The following SARNP variants were observed in gnomAD, a reference collection of about 807,000 sequenced individuals.
The protein encoded by SARNP is SAP domain containing ribonucleoprotein, also known as SAP domain-containing ribonucleoprotein.
SARNP carries 5 observed loss-of-function variants against 38.1 expected under a neutral mutation model. The ratio of observed to expected loss-of-function variants is 0.13; its 90% confidence interval spans 0.07 to 0.28. The LOEUF is 0.28. Among genes scored for constraint, SARNP ranks in the 10% least tolerant of loss-of-function variants. The probability of loss-of-function intolerance (pLI) is 1.00; values close to 1 mark genes in which losing one functional copy is unlikely to be tolerated. For missense variants in SARNP, 180 were observed against 243.9 expected (o/e 0.74, Z 1.75); for synonymous variants, 84 against 80.6 (o/e 1.04, Z -0.23).
chr12:55,764,602 C>T (rs1289935155), intron 9 of SARNP, among the ~76,000 whole-genome samples: 5 of 150,846 alleles, frequency 3.3e-5, no homozygotes, highest in Middle Eastern at 3.5e-3. Context: ...TTTGGGAGGC[C>T]GAGGCAGGCA....
intron 9 of SARNP, among the ~76,000 whole-genome samples, chr12:55,779,512 A>G (rs1019144825): frequency 2.0e-5 from 3 of 152,150 alleles, no homozygotes; most frequent in African/African-American, 7.2e-5. Flanking sequence ...TTCTTCTACC[A>G]CTACTTCCTT....
chr12:55,796,662 C>T (rs1017972473), intron 4 of SARNP, among the ~76,000 whole-genome samples: 1 of 152,170 alleles, frequency 6.6e-6, no homozygotes, highest in African/African-American at 2.4e-5. Flanking sequence ...CTCGGCCTCC[C>T]AAAGTACTGG....
chr12:55,769,618 T>C (rs1878947274), intron 9 of SARNP, among the ~76,000 whole-genome samples: 1 of 152,248 alleles, frequency 6.6e-6, no homozygotes. Context: ...GGCCTACCTT[T>C]AGCAAGTGAT....
At chr12:55,801,713 G>A (rs1879984742) in intron 2 of SARNP, among the ~76,000 whole-genome samples, 1 of 152,066 alleles carries the variant, frequency 6.6e-6, no homozygotes, top group Non-Finnish European at 1.5e-5. Flanking sequence ...CCCCTCCTGG[G>A]CTCAAGGGAT....
chr12:55,800,259 G>C (rs1879939107), intron 4 of SARNP, among the ~76,000 whole-genome samples: 1 of 151,934 alleles, frequency 6.6e-6, no homozygotes, highest in Non-Finnish European at 1.5e-5. Context: ...ATTCTCTATA[G>C]AGTAACAGAA....
Position 55,783,749 on chromosome 12 carries a change from G to A in SARNP, c.501+5326C>T, listed in dbSNP as rs538593453. On this transcript the variant is annotated intron_variant, in intron 9 of 10. Coordinates refer to ENST00000336133, the MANE Select transcript of SARNP (RefSeq NM_033082.4). ...CAGGTTCTTAAATCTGTAATATGCT[G>A]AAGCCATAAATCTAAAATATGAAGA... Among the ~76,000 whole-genome samples the A allele has an allele frequency of 2.0e-5, 3 of 152,072 alleles. No homozygotes were observed. In the East Asian group the frequency reaches 5.8e-4, roughly 29 times the overall value.
intron 1 of SARNP, among the ~76,000 whole-genome samples, chr12:55,816,394 C>T (rs759487962): frequency 6.6e-6 from 1 of 152,066 alleles, no homozygotes; most frequent in Non-Finnish European, 1.5e-5. Context: ...GATCAAGAGA[C>T]CGCTGATATA....
chr12:55,816,050 C>T (rs1880472963), intron 1 of SARNP: 1 of 152,178 alleles, frequency 6.6e-6, no homozygotes, highest in Non-Finnish European at 1.5e-5. Flanking sequence ...GGTCAGAGGA[C>T]TTTACGTAAA....
chr12:55,771,172 G>C (rs1878998522), intron 9 of SARNP, among the ~76,000 whole-genome samples: 1 of 152,034 alleles, frequency 6.6e-6, no homozygotes, highest in African/African-American at 2.4e-5. Context: ...TAGCCAGGCT[G>C]GTCTCGAACT....
intron 9 of SARNP, among the ~76,000 whole-genome samples, chr12:55,788,517 C>T (rs980943140): frequency 1.3e-5 from 2 of 152,170 alleles, no homozygotes; most frequent in African/African-American, 4.8e-5. Flanking sequence ...CATACTCAGG[C>T]TGGGTGCAGT....
intron 4 of SARNP, among the ~76,000 whole-genome samples, chr12:55,799,281 G>A (rs1328856611): frequency 6.6e-6 from 1 of 152,062 alleles, no homozygotes; most frequent in African/African-American, 2.4e-5. Context: ...ACAACTATGA[G>A]GAACAAAAAT....
chr12:55,785,662 C>T (rs1879469537), intron 9 of SARNP, among the ~76,000 whole-genome samples: 1 of 151,756 alleles, frequency 6.6e-6, no homozygotes. Flanking sequence ...ATATTCTTAG[C>T]TACTCAGGAG....
chr12:55,787,097 T>C (rs868693082), intron 9 of SARNP, among the ~76,000 whole-genome samples: 26 of 151,748 alleles, frequency 1.7e-4, no homozygotes, highest in Admixed American at 4.6e-4. Context: ...CCAGGCATGG[T>C]GGCACACATC....
chr12:55,773,288 T>A (rs1317954777), intron 9 of SARNP, among the ~76,000 whole-genome samples: 1 of 152,196 alleles, frequency 6.6e-6, no homozygotes, highest in African/African-American at 2.4e-5. Flanking sequence ...CAAGTAGCTT[T>A]GAAAAAATAT....
chr12:55,794,773 C>G, intron 6 of SARNP, 34 bp downstream of exon 6: 1 of 1,270,118 alleles, frequency 7.9e-7, no homozygotes, highest in Non-Finnish European at 1.1e-6. Flanking sequence ...TTACAACACC[C>G]CTATCAGAGG....
chr12:55,788,982 G>A, intron 9 of SARNP, 93 bp downstream of exon 9: 1 of 797,834 alleles, frequency 1.3e-6, no homozygotes, highest in Non-Finnish European at 2.1e-6. Context: ...TTTGTAGCCA[G>A]CTACATTCTC....
At chr12:55,774,637 A>C (rs1879119015) in intron 9 of SARNP, among the ~76,000 whole-genome samples, 1 of 150,328 alleles carries the variant, frequency 6.7e-6, no homozygotes, top group South Asian at 2.1e-4. Flanking sequence ...AATCCCAGCT[A>C]CTCGGGAGGT....
At chr12:55,807,057 G>A (rs1409418937) in intron 1 of SARNP, among the ~76,000 whole-genome samples, 1 of 152,016 alleles carries the variant, frequency 6.6e-6, no homozygotes, top group Non-Finnish European at 1.5e-5. Context: ...CCTCCAGCTG[G>A]GACTACAGGT....
intron 7 of SARNP, among the ~76,000 whole-genome samples, chr12:55,791,049 G>T (rs1879652858): frequency 6.6e-6 from 1 of 152,154 alleles, no homozygotes; most frequent in Admixed American, 6.5e-5. Flanking sequence ...CAACATTAAT[G>T]AACCTTGAAA....
Sources: allele counts gnomAD v4.1 joint callset (sites outside exome capture counted in the v4.1 genomes callset), GRCh38; gene constraint gnomAD v4.1.1; transcripts MANE v1.5; gene names NCBI Gene and HGNC (gene_info 2026-07-23, HGNC 2026-07-21).